The following AMMECR1 variants were observed in gnomAD, a reference collection of about 807,000 sequenced individuals.
AMMECR1 encodes AMMECR nuclear protein 1, also known as nuclear protein AMMECR1.
A neutral mutation model predicts 22.5 loss-of-function variants in AMMECR1; 3 were observed. The observed-to-expected ratio is 0.13, with a 90% confidence interval of 0.06 to 0.35. The LOEUF is 0.35. Among genes scored for constraint, AMMECR1 ranks in the 10% least tolerant of loss-of-function variants. The pLI is 1.00. For missense variants in AMMECR1, 235 were observed against 278.7 expected, an observed-to-expected ratio of 0.84 and a Z score of 1.12; for synonymous variants, 130 against 116.7, an observed-to-expected ratio of 1.11 and a Z score of -0.74.
chrX:110,274,268 G>A (rs1424308797), intron 1 of AMMECR1, among the ~76,000 whole-genome samples: 1 of 111,777 alleles, frequency 8.9e-6, no homozygotes, highest in African/African-American at 3.3e-5. Flanking sequence ...AGGTCCAGTT[G>A]GTTGGTAGTA....
chrX:110,319,260 G>A (rs1016069629), upstream of AMMECR1, among the ~76,000 whole-genome samples: 2 of 112,041 alleles, frequency 1.8e-5, no homozygotes, highest in Non-Finnish European at 3.8e-5. Context: ...AATAGAAAGC[G>A]TAAGTTATTT....
At chrX:110,317,459 G>C in intron 1 of AMMECR1, 140 bp downstream of exon 1, 1 of 1,023,067 alleles carries the variant, frequency 9.8e-7, no homozygotes, top group Non-Finnish European at 1.3e-6. Context: ...GGTGCCCTTA[G>C]TTCAGTTGAG....
At chrX:110,201,143 A>G (rs193024189) in intron 4 of AMMECR1, 93 bp from the exon 5 acceptor site, 266 of 495,986 alleles carry the variant, frequency 5.4e-4, no homozygotes, top group African/African-American at 4.3e-3. Flanking sequence ...GTCAGCTATC[A>G]CTGTCACCAA....
intron 3 of AMMECR1, among the ~76,000 whole-genome samples, chrX:110,209,138 G>A (rs1489648200): frequency 9.0e-6 from 1 of 111,529 alleles, no homozygotes; most frequent in African/African-American, 3.3e-5. Context: ...TAGCAAACAT[G>A]CCTAATATGA....
At chrX:110,267,042 T>C (rs754812690) in intron 1 of AMMECR1, among the ~76,000 whole-genome samples, 7 of 111,962 alleles carry the variant, frequency 6.3e-5, no homozygotes, top group Non-Finnish European at 9.4e-5. Context: ...GGCTGCATAG[T>C]ATTCCATGGT....
intron 2 of AMMECR1, among the ~76,000 whole-genome samples, chrX:110,407,038 C>T (rs1316140200): frequency 9.0e-6 from 1 of 111,529 alleles, no homozygotes; most frequent in Non-Finnish European, 1.9e-5. Flanking sequence ...TCCTTTTCCT[C>T]GGAAAGCTCT....
chrX:110,414,150 C>T (rs896428621), intron 2 of AMMECR1, among the ~76,000 whole-genome samples: 1 of 112,453 alleles, frequency 8.9e-6, no homozygotes, highest in Non-Finnish European at 1.9e-5. Context: ...CAGTTTCCTC[C>T]TCTGTGCTTA....
chrX:110,320,124 C>A (rs2068073362), upstream of AMMECR1, among the ~76,000 whole-genome samples: 1 of 111,906 alleles, frequency 8.9e-6, no homozygotes, highest in African/African-American at 3.2e-5. Context: ...TTAGAATTAA[C>A]CTTAAGTATG....
intron 3 of AMMECR1, among the ~76,000 whole-genome samples, chrX:110,212,219 C>T (rs946226440): frequency 1.8e-5 from 2 of 111,797 alleles, no homozygotes; most frequent in African/African-American, 6.5e-5. Context: ...AGATGGTAGC[C>T]AGACGCGTGG....
intron 1 of AMMECR1, among the ~76,000 whole-genome samples, chrX:110,310,530 T>C (rs776236767): frequency 2.7e-4 from 30 of 111,794 alleles, no homozygotes; most frequent in Non-Finnish European, 4.9e-4. Context: ...CAGCTGGGAA[T>C]AGGTGAAGAG....
intron 2 of AMMECR1, among the ~76,000 whole-genome samples, chrX:110,406,507 T>C (rs1280057791): frequency 8.9e-6 from 1 of 111,988 alleles, no homozygotes; most frequent in Non-Finnish European, 1.9e-5. Flanking sequence ...AGTCTATCAT[T>C]GATGGACATT....
intron 2 of AMMECR1, among the ~76,000 whole-genome samples, chrX:110,252,804 C>T (rs947533753): frequency 2.7e-5 from 3 of 112,656 alleles, no homozygotes; most frequent in Middle Eastern, 4.6e-3. Context: ...ATGGAATTTA[C>T]ATTCGCATTA....
intron 2 of AMMECR1, among the ~76,000 whole-genome samples, chrX:110,364,467 G>C (rs907254376): frequency 5.4e-5 from 6 of 111,500 alleles, no homozygotes; most frequent in African/African-American, 2.0e-4. Flanking sequence ...ACTAAAGCAG[G>C]CTGCTCCCAC....
At chrX:110,303,160 C>A (rs1481191082) in intron 1 of AMMECR1, among the ~76,000 whole-genome samples, 2 of 111,787 alleles carry the variant, frequency 1.8e-5, no homozygotes, top group African/African-American at 3.3e-5. Flanking sequence ...AAGAACTTAT[C>A]TGAATTTCTC....
chrX:110,344,747 CTCA>C (rs2068181220), intron 2 of AMMECR1, among the ~76,000 whole-genome samples: 1 of 111,566 alleles, frequency 9.0e-6, no homozygotes, highest in African/African-American at 3.3e-5. Flanking sequence ...TGAAAAAATG[CTCA>C]TCATCACTGG....
rs768737017 is a variant in AMMECR1 at position 110,415,678 on chromosome X, T to A, written c.-148+10980A>T. 3.6e-5 allele frequency among the ~76,000 whole-genome samples: 4 copies of A among 111,037 alleles called. No individual in the cohort carries two copies. In the South Asian group the frequency reaches 1.5e-3, roughly 43 times the overall value. On this transcript the variant is annotated intron_variant, in intron 2 of 7. Coordinates refer to the AMMECR1 transcript ENST00000372057. ...ATTTGCTGGAATAAAAAGATAACTT[T>A]CAAGAATTTTCCAAGCTCCTGGGTT...
intron 2 of AMMECR1, among the ~76,000 whole-genome samples, chrX:110,255,373 A>G (rs1311326766): frequency 9.0e-6 from 1 of 111,696 alleles, no homozygotes; most frequent in Admixed American, 9.6e-5. Context: ...CCAGCAGTGT[A>G]CAGTTGTTTA....
At chrX:110,350,230 T>C (rs757637606) in intron 2 of AMMECR1, among the ~76,000 whole-genome samples, 20 of 111,724 alleles carry the variant, frequency 1.8e-4, no homozygotes, top group Non-Finnish European at 3.4e-4. Flanking sequence ...AGAGAGAAAA[T>C]AAAAGTGGGC....
chrX:110,270,113 C>A (rs1338123019), intron 1 of AMMECR1, among the ~76,000 whole-genome samples: 1 of 111,292 alleles, frequency 9.0e-6, no homozygotes, highest in East Asian at 2.8e-4. Context: ...GGACAATAAT[C>A]CTATTGGATC....
Sources: gnomAD v4.1 joint callset for allele counts (sites outside exome capture counted in the v4.1 genomes callset) on GRCh38, gnomAD v4.1.1 for gene constraint, MANE v1.5 for transcripts, NCBI Gene and HGNC (gene_info 2026-07-23, HGNC 2026-07-21) for gene names.